Variants in PRKN observed in about 807,000 individuals in gnomAD.
The protein encoded by PRKN is parkin RBR E3 ubiquitin protein ligase.
Under a neutral mutation model 59.5 loss-of-function variants are expected in PRKN, and 56 were observed. The ratio of observed to expected loss-of-function variants is 0.94; its 90% CI spans 0.76 to 1.18. PRKN has a LOEUF of 1.18. Ranked by LOEUF, PRKN falls within the 50% of genes most tolerant of loss-of-function variation. The pLI is 0.00. For missense variants in PRKN, 657 were observed against 596.4 expected (o/e 1.10, Z -1.06); for synonymous variants, 250 against 222.1 (o/e 1.13, Z -1.12).
At chr6:162,533,527 CA>C (rs917986419) in intron 1 of PRKN, among the ~76,000 whole-genome samples, 1 of 151,638 alleles carries the variant, frequency 6.6e-6, no homozygotes, top group Non-Finnish European at 1.5e-5. Context: ...GACTCCGTCT[CA>C]AAAAAAGACA....
At chr6:161,978,439 CA>C (rs1219704552) in intron 5 of PRKN, among the ~76,000 whole-genome samples, 1 of 152,316 alleles carries the variant, frequency 6.6e-6, no homozygotes, top group East Asian at 1.9e-4. Flanking sequence ...AACCAGCAGA[CA>C]ATAAAGGAAC....
intron 1 of PRKN, among the ~76,000 whole-genome samples, chr6:162,560,570 A>G (rs1779791754): frequency 1.3e-5 from 2 of 152,202 alleles, no homozygotes; most frequent in Admixed American, 6.5e-5. Context: ...GTGATTTTTA[A>G]TACATCCCAT....
chr6:162,325,677 C>T (rs1583382884), intron 2 of PRKN, among the ~76,000 whole-genome samples: 1 of 152,156 alleles, frequency 6.6e-6, no homozygotes, highest in East Asian at 1.9e-4. Context: ...TTTTACACAA[C>T]ATACATGTTA....
At chr6:161,555,586 C>T (rs899735726) in intron 8 of PRKN, among the ~76,000 whole-genome samples, 1 of 152,146 alleles carries the variant, frequency 6.6e-6, no homozygotes, top group African/African-American at 2.4e-5. Flanking sequence ...CGGACTATCT[C>T]CTTCCTTTTT....
intron 9 of PRKN, among the ~76,000 whole-genome samples, chr6:161,516,483 AAAAAAAAAAAGAAG>A (rs1778596418): frequency 1.6e-5 from 2 of 122,892 alleles, no homozygotes; most frequent in Admixed American, 1.6e-4. Context: ...AAAAAAAAAA[AAAAAAAAAAAGAAG>A]AAGAAGAAAG....
intron 1 of PRKN, among the ~76,000 whole-genome samples, chr6:162,498,344 A>C (rs1299994425): frequency 2.9e-5 from 4 of 138,122 alleles, no homozygotes; most frequent in Admixed American, 2.3e-4. Flanking sequence ...ATGTCTATCT[A>C]GTCTACGTAA....
chr6:162,286,791 T>A (rs1781212000), intron 2 of PRKN, among the ~76,000 whole-genome samples: 1 of 152,114 alleles, frequency 6.6e-6, no homozygotes, highest in South Asian at 2.1e-4. Flanking sequence ...TTACCTACAT[T>A]CTCCAAACTT....
rs1190265083 is a variant in PRKN at position 161,371,485 on chromosome 6, G to A, written c.1168-11280C>T. The stretch of plus-strand genomic sequence containing the variant: ...CGGCCTATTTTGTTATTTTTTTTAA[G>A]AGAAATCATCAGAGTGTTGGGATTT... On this transcript the variant is annotated intron_variant, in intron 10 of 11. Transcript: ENST00000366898. The surrounding 1 kb of genome is among the most constrained non-coding windows in gnomAD (Gnocchi z 5.5). Among the ~76,000 whole-genome samples the A allele has an allele frequency of 6.8e-6, 1 of 147,888 alleles. No individual in the cohort carries two copies.
chr6:161,481,603 A>C (rs112311738), intron 9 of PRKN, among the ~76,000 whole-genome samples: 1,603 of 152,184 alleles, frequency 0.011, 22 homozygotes, highest in African/African-American at 0.037. Flanking sequence ...ACTCCATCTC[A>C]AAAAACAAAA....
intron 6 of PRKN, among the ~76,000 whole-genome samples, chr6:161,841,345 T>G (rs1208766841): frequency 1.4e-5 from 2 of 148,112 alleles, no homozygotes; most frequent in Non-Finnish European, 3.0e-5. Context: ...TTTTAGGCTT[T>G]CTTTTTCCTT....
At chr6:162,277,341 A>C (rs1038515280) in intron 2 of PRKN, among the ~76,000 whole-genome samples, 2 of 152,202 alleles carry the variant, frequency 1.3e-5, no homozygotes, top group Admixed American at 1.3e-4. Context: ...AGCATTAACG[A>C]CAACAAAGTT....
chr6:162,285,725 C>A (rs913096476), intron 2 of PRKN, among the ~76,000 whole-genome samples: 6 of 152,158 alleles, frequency 3.9e-5, no homozygotes, highest in African/African-American at 1.4e-4. Context: ...TCTTCCCCGA[C>A]ACCAGATGAC....
intron 2 of PRKN, among the ~76,000 whole-genome samples, chr6:162,359,323 T>C (rs1307868449): frequency 6.6e-6 from 1 of 151,832 alleles, no homozygotes; most frequent in Non-Finnish European, 1.5e-5. Flanking sequence ...TCCATGAATG[T>C]TGAGAAAGTT....
Position 161,518,219 on chromosome 6 carries a change from T to C in PRKN, c.1083+30635A>G, listed in dbSNP as rs1411715031. On this transcript the variant is annotated intron_variant, in intron 9 of 11. Transcript: ENST00000366898. The surrounding 1 kb of genome is among the most constrained non-coding windows in gnomAD (Gnocchi z 5.0). ...CCGGGGAGGTGGCAACATAGGTGCA[T>C]GAGAGGGGGACTGCCCCCACCCTGC... is the stretch of plus-strand genomic sequence containing the variant. Among the ~76,000 whole-genome samples the C allele has an allele frequency of 1.3e-5, 2 of 152,156 alleles. No individual in the cohort carries two copies. The highest frequency in any genetic ancestry group is 2.9e-5 in the Non-Finnish European group (2 of 67,998).
chr6:161,979,636 G>T (rs879445775), intron 5 of PRKN, among the ~76,000 whole-genome samples: 6 of 152,124 alleles, frequency 3.9e-5, no homozygotes, highest in Non-Finnish European at 7.3e-5. Context: ...CAAGTTCTTA[G>T]AAAGGCTACT....
intron 6 of PRKN, among the ~76,000 whole-genome samples, chr6:161,908,257 T>C (rs1346018136): frequency 6.6e-6 from 1 of 152,166 alleles, no homozygotes; most frequent in Non-Finnish European, 1.5e-5. Flanking sequence ...AGATTTCCGG[T>C]ACATGGACGA....
intron 3 of PRKN, among the ~76,000 whole-genome samples, chr6:162,215,930 C>T (rs1242496020): frequency 6.6e-6 from 1 of 152,058 alleles, no homozygotes; most frequent in Non-Finnish European, 1.5e-5. Context: ...GTAATCCCAG[C>T]TACTTGGGAG....
intron 1 of PRKN, among the ~76,000 whole-genome samples, chr6:162,661,221 A>G (rs182729964): frequency 1.4e-4 from 21 of 152,222 alleles, no homozygotes; most frequent in Admixed American, 1.4e-3. Flanking sequence ...AGATCACGCC[A>G]TTGCACTCCA....
intron 1 of PRKN, among the ~76,000 whole-genome samples, chr6:162,521,907 T>G (rs925672062): frequency 6.6e-5 from 10 of 152,148 alleles, no homozygotes; most frequent in Admixed American, 6.5e-4. Flanking sequence ...TTTAACATCT[T>G]TATTTTGACT....
Sources: allele counts gnomAD v4.1 joint callset (sites outside exome capture counted in the v4.1 genomes callset), GRCh38; gene constraint gnomAD v4.1.1; non-coding constraint Gnocchi (gnomAD v3.1); transcripts MANE v1.5; gene names NCBI Gene and HGNC (gene_info 2026-07-23, HGNC 2026-07-21).